RNF111: variants seen among roughly 807,000 people sequenced by gnomAD.
The protein encoded by RNF111 is E3 ubiquitin-protein ligase Arkadia.
Under a neutral mutation model 95.1 loss-of-function variants are expected in RNF111, and 17 were observed. The ratio of observed to expected loss-of-function variants is 0.18; its 90% confidence interval spans 0.12 to 0.27. RNF111 has a LOEUF of 0.27. RNF111 is among the 10% of genes least tolerant of loss of function. The probability of loss-of-function intolerance (pLI) is 1.00; values close to 1 mark genes in which losing one functional copy is unlikely to be tolerated. For synonymous variants in RNF111, 440 were observed against 414.8 expected, an observed-to-expected ratio of 1.06 and a Z score of -0.74; for missense variants, 1,189 against 1,210.4, an observed-to-expected ratio of 0.98 and a Z score of 0.26.
intron 2 of RNF111, among the ~76,000 whole-genome samples, chr15:59,046,538 A>AATTTAGACCTTTTACCTGTTGTCTGACAC (rs2041717989): frequency 6.6e-6 from 1 of 152,212 alleles, no homozygotes; most frequent in Non-Finnish European, 1.5e-5. Context: ...AGAAAAGATA[A>AATTTAGACCTTTTACCTGTTGTCTGACAC]ATTTAGACCT....
chr15:59,018,149 G>C (rs1197053291), intron 1 of RNF111, among the ~76,000 whole-genome samples: 2 of 152,116 alleles, frequency 1.3e-5, no homozygotes, highest in African/African-American at 4.8e-5. Context: ...GAAATGGTTT[G>C]ATAAATTATT....
intron 7 of RNF111, among the ~76,000 whole-genome samples, chr15:59,078,966 G>A (rs1038052304): frequency 6.6e-6 from 1 of 152,110 alleles, no homozygotes; most frequent in Non-Finnish European, 1.5e-5. Flanking sequence ...GTGAGTAAAT[G>A]TTGGAATAAA....
intron 13 of RNF111, 77 bp downstream of exon 13, chr15:59,092,717 G>C: frequency 7.4e-7 from 1 of 1,355,606 alleles, no homozygotes. Flanking sequence ...AATTACACCG[G>C]GCATGATGGC....
intron 1 of RNF111, among the ~76,000 whole-genome samples, chr15:59,003,468 T>A (rs892595152): frequency 1.1e-4 from 17 of 150,572 alleles, no homozygotes; most frequent in African/African-American, 4.2e-4. Context: ...GCATGATCCC[T>A]GCTTACTGCA....
intron 6 of RNF111, among the ~76,000 whole-genome samples, chr15:59,069,196 G>A (rs894040166): frequency 6.6e-6 from 1 of 152,200 alleles, no homozygotes; most frequent in East Asian, 1.9e-4. Flanking sequence ...TTCGGTTTTG[G>A]TAACATTTCT....
chr15:59,095,967 CTTGTT>C lies in RNF111; in HGVS notation c.*1070_*1074del. On this transcript the variant is annotated 3_prime_UTR_variant, in exon 14 of 14. Transcript: ENST00000348370. ...TAAAGTCAGCTGAATCTACATGTCTCTTGTTTTATTTCTCTCTAAACTTGAAAACA... is the reference window on the plus strand; with the variant it reads ...TAAAGTCAGCTGAATCTACATGTCTCTTATTTCTCTCTAAACTTGAAAACA... The C allele has an allele frequency of 2.5e-6, 1 of 398,450 alleles. No homozygotes were observed. The highest frequency in any genetic ancestry group is 4.4e-5 in the Admixed American group (1 of 22,724). 24.7% of individuals were successfully genotyped at this position (398,450 alleles called of 1,614,324 possible).
At chr15:58,998,123 T>C (rs1167882912) in intron 1 of RNF111, among the ~76,000 whole-genome samples, 1 of 152,036 alleles carries the variant, frequency 6.6e-6, no homozygotes, top group Non-Finnish European at 1.5e-5. Flanking sequence ...GAGGCTGGTC[T>C]CGATCTCCTG....
chr15:59,032,066 G>T (rs1453718709), intron 2 of RNF111, among the ~76,000 whole-genome samples: 1 of 151,988 alleles, frequency 6.6e-6, no homozygotes, highest in Non-Finnish European at 1.5e-5. Context: ...AGCCTCCCAA[G>T]TAGCCAGGAT....
At chr15:59,000,322 C>G (rs570466978) in intron 1 of RNF111, among the ~76,000 whole-genome samples, 49 of 152,104 alleles carry the variant, frequency 3.2e-4, no homozygotes, top group African/African-American at 1.2e-3. Flanking sequence ...TACCACCACA[C>G]TTGGCTCATT....
chr15:58,996,927 CAG>C (rs2039101989), intron 1 of RNF111, among the ~76,000 whole-genome samples: 2 of 152,230 alleles, frequency 1.3e-5, no homozygotes, highest in African/African-American at 2.4e-5. Context: ...ACTGCTTAAA[CAG>C]AAACATTTTA....
At chr15:59,059,179 A>C (rs1212588363) in intron 5 of RNF111, among the ~76,000 whole-genome samples, 1 of 152,212 alleles carries the variant, frequency 6.6e-6, no homozygotes, top group East Asian at 1.9e-4. Context: ...CAGAAAGACA[A>C]CCCAATTTTA....
Position 59,031,431 on chromosome 15 carries a change from T to A in RNF111, c.609T>A (p.His203Gln). The change falls in exon 2 of 14, where the codon CAT (histidine) becomes CAA (glutamine). Residue 203 changes from histidine to glutamine, a missense_variant. Coordinates refer to ENST00000348370, the MANE Select transcript of RNF111 (RefSeq NM_017610.8). ...SGLLMKRPCL[H>Q]GSSLRRLPCR... ...TGTTAATGAAAAGACCCTGTTTACA[T>A]GGCAGTTCGTTACGGAGACTTCCAT... 6.2e-7 allele frequency: 1 copy of A among 1,614,252 alleles called. No individual in the cohort carries two copies. The highest frequency in any genetic ancestry group is 8.5e-7 in the Non-Finnish European group (1 of 1,180,052).
chr15:59,031,766 G>C (rs1291810626), intron 2 of RNF111, 64 bp downstream of exon 2: 3 of 1,439,678 alleles, frequency 2.1e-6, no homozygotes, highest in African/African-American at 2.8e-5. Context: ...TTAATTTTTT[G>C]TTTGTGTCTT....
chr15:58,995,882 C>T (rs2039049247), intron 1 of RNF111, among the ~76,000 whole-genome samples: 1 of 150,910 alleles, frequency 6.6e-6, no homozygotes, highest in South Asian at 2.1e-4. Context: ...TTCCATGGAA[C>T]CCTGGTTCCT....
chr15:58,991,249 A>G (rs1381338056), intron 1 of RNF111, among the ~76,000 whole-genome samples: 4 of 151,998 alleles, frequency 2.6e-5, no homozygotes, highest in Non-Finnish European at 5.9e-5. Context: ...CTGAGCTGAG[A>G]TCTGCACTCC....
intron 2 of RNF111, among the ~76,000 whole-genome samples, chr15:59,042,091 T>G (rs1246818449): frequency 2.0e-5 from 3 of 151,966 alleles, no homozygotes; most frequent in Non-Finnish European, 4.4e-5. Flanking sequence ...ACAAATTAAT[T>G]AGTAGTTTCT....
intron 2 of RNF111, chr15:59,049,273 C>G (rs1408262000): frequency 6.6e-6 from 1 of 151,966 alleles, no homozygotes; most frequent in African/African-American, 2.4e-5. Flanking sequence ...ACTGGAATCA[C>G]AGTTTTTGTC....
chr15:59,053,141 G>A (rs1267490625), intron 3 of RNF111, among the ~76,000 whole-genome samples: 1 of 152,078 alleles, frequency 6.6e-6, no homozygotes, highest in Non-Finnish European at 1.5e-5. Context: ...CATATGTTTT[G>A]ATTCTTTTTC....
intron 1 of RNF111, among the ~76,000 whole-genome samples, chr15:59,017,754 T>C (rs1032272179): frequency 1.8e-5 from 1 of 54,116 alleles, no homozygotes; most frequent in Admixed American, 2.2e-4. Context: ...TGTTGAACTC[T>C]TTTTTTTTTT....
Sources: allele counts gnomAD v4.1 joint callset (sites outside exome capture counted in the v4.1 genomes callset), GRCh38; gene constraint gnomAD v4.1.1; transcripts MANE v1.5; gene names NCBI Gene and HGNC (gene_info 2026-07-23, HGNC 2026-07-21).